Variants in KIFAP3 observed in about 807,000 individuals in gnomAD.
KIFAP3 encodes kinesin-associated protein 3.
In KIFAP3, 68 loss-of-function variants were observed where a neutral mutation model predicts 106.5. The observed-to-expected ratio is 0.64, with a 90% CI of 0.53 to 0.78. The LOEUF (loss-of-function observed/expected upper bound fraction) is 0.78. Ranked by LOEUF, KIFAP3 falls within the 30% of genes least tolerant of loss-of-function variation. KIFAP3 has a pLI of 0.00. For synonymous variants in KIFAP3, 320 were observed against 311.5 expected, an observed-to-expected ratio of 1.03 and a Z score of -0.29; for missense variants, 780 against 941.8, an observed-to-expected ratio of 0.83 and a Z score of 2.25.
At chr1:169,941,233 C>T (rs761660674) in intron 19 of KIFAP3, among the ~76,000 whole-genome samples, 1 of 152,020 alleles carries the variant, frequency 6.6e-6, no homozygotes, top group African/African-American at 2.4e-5. Flanking sequence ...AACATTATAC[C>T]TAATACCTTC....
At chr1:170,074,823 C>T (rs1671864951), upstream of KIFAP3, 2 of 1,087,958 alleles carry the variant, frequency 1.8e-6, no homozygotes, top group African/African-American at 3.2e-5. Context: ...CAGTTTTGAG[C>T]GTCCGTGTAT....
intron 8 of KIFAP3, among the ~76,000 whole-genome samples, chr1:170,026,346 C>T (rs1450461511): frequency 1.3e-5 from 2 of 152,098 alleles, no homozygotes; most frequent in African/African-American, 4.8e-5. Context: ...CCTGACAACA[C>T]CACAAAAAAA....
chr1:169,923,688 A>G (rs925417024), intron 19 of KIFAP3, among the ~76,000 whole-genome samples: 2 of 152,242 alleles, frequency 1.3e-5, no homozygotes, highest in Non-Finnish European at 2.9e-5. Context: ...TATGTGGGAC[A>G]GTGAGGAAAC....
chr1:170,051,061 G>A (rs1000756899), intron 2 of KIFAP3, among the ~76,000 whole-genome samples: 1 of 151,604 alleles, frequency 6.6e-6, no homozygotes, highest in South Asian at 2.1e-4. Flanking sequence ...TGGATAAAGA[G>A]TCAAGACCCA....
chr1:170,059,323 G>A (rs563605752), intron 1 of KIFAP3, among the ~76,000 whole-genome samples: 12 of 152,004 alleles, frequency 7.9e-5, no homozygotes, highest in Admixed American at 7.9e-4. Context: ...AATGATAAAG[G>A]GGATATCACC....
chr1:169,938,782 T>G, intron 19 of KIFAP3, among the ~76,000 whole-genome samples: 1 of 152,138 alleles, frequency 6.6e-6, no homozygotes, highest in Non-Finnish European at 1.5e-5. Context: ...AAAGATTCTC[T>G]GAAGAAGGAA....
At chr1:169,965,586 A>C (rs1005513780) in intron 17 of KIFAP3, among the ~76,000 whole-genome samples, 1 of 152,010 alleles carries the variant, frequency 6.6e-6, no homozygotes, top group Non-Finnish European at 1.5e-5. Context: ...ACAAACAAAA[A>C]TCCTGCTTAC....
At chr1:169,925,965 G>T (rs1274179255) in intron 19 of KIFAP3, among the ~76,000 whole-genome samples, 1 of 152,128 alleles carries the variant, frequency 6.6e-6, no homozygotes, top group Non-Finnish European at 1.5e-5. Context: ...AGCAAGTAAT[G>T]AATTTATTAA....
At chr1:169,940,544 T>A (rs570693520) in intron 19 of KIFAP3, among the ~76,000 whole-genome samples, 1 of 152,258 alleles carries the variant, frequency 6.6e-6, no homozygotes, top group South Asian at 2.1e-4. Flanking sequence ...TAGATCCTCA[T>A]AAGGAGCACA....
At chr1:170,037,114 A>G (rs757068097) in intron 5 of KIFAP3, among the ~76,000 whole-genome samples, 4 of 152,224 alleles carry the variant, frequency 2.6e-5, no homozygotes, top group South Asian at 2.1e-4. Flanking sequence ...ATTGGTATGT[A>G]TATCATCAAA....
chr1:169,935,050 ACT>A (rs1398693777), intron 19 of KIFAP3, among the ~76,000 whole-genome samples: 1 of 152,152 alleles, frequency 6.6e-6, no homozygotes, highest in East Asian at 1.9e-4. Flanking sequence ...TTTTAAAAAT[ACT>A]TTTTTGAGAT....
chr1:169,959,550 T>C (rs1665204770), intron 18 of KIFAP3, among the ~76,000 whole-genome samples: 1 of 152,146 alleles, frequency 6.6e-6, no homozygotes, highest in Non-Finnish European at 1.5e-5. Context: ...GAAAAATATT[T>C]AGGATTTTCA....
intron 1 of KIFAP3, among the ~76,000 whole-genome samples, chr1:170,073,776 ATTTT>A (rs935844336): frequency 6.6e-6 from 1 of 152,014 alleles, no homozygotes; most frequent in Non-Finnish European, 1.5e-5. Context: ...ACAGACTACA[ATTTT>A]TTTGAGTAAC....
intron 1 of KIFAP3, among the ~76,000 whole-genome samples, chr1:170,084,006 C>G (rs531511199): frequency 2.4e-4 from 37 of 152,182 alleles, no homozygotes; most frequent in African/African-American, 8.9e-4. Context: ...AAAGTGATTG[C>G]TGCCTCACAA....
chr1:169,953,334 TA>T (rs1571551152), intron 19 of KIFAP3, among the ~76,000 whole-genome samples: 2 of 152,204 alleles, frequency 1.3e-5, no homozygotes, highest in East Asian at 3.8e-4. Context: ...ACCAACTTTT[TA>T]AAAACAGCTA....
chr1:170,034,394 TTC>T lies in KIFAP3; in HGVS notation c.718_719del (p.Glu240ThrfsTer9). On this transcript the variant is annotated frameshift_variant, in exon 7 of 20. Coordinates refer to ENST00000361580, the MANE Select transcript of KIFAP3 (RefSeq NM_014970.4). LOFTEE classifies it high-confidence loss of function. ...ELKRHELWQEELSKKKKAVDE... is the reference protein window; with the variant it reads ...ELKRHELWQEXLSKKKKAVDE... ...TATCAGCTTTCTTCTTCTTTGAGAGTTCTTCTTGCCAAAGCTCATGTCTTTTT... is the reference window on the plus strand; with the variant it reads ...TATCAGCTTTCTTCTTCTTTGAGAGTTTCTTGCCAAAGCTCATGTCTTTTT... 1 of 1,606,376 alleles carries T rather than the reference TTC, an allele frequency of 6.2e-7. No individual in the cohort carries two copies. Among genetic ancestry groups the T allele is most frequent in the Middle Eastern group, 1.7e-4 (1 of 6,036 alleles).
At chr1:170,048,919 A>G (rs2102096484) in intron 2 of KIFAP3, among the ~76,000 whole-genome samples, 1 of 152,242 alleles carries the variant, frequency 6.6e-6, no homozygotes, top group Non-Finnish European at 1.5e-5. Context: ...GCAGGCACCG[A>G]GCTAGCTGCA....
chr1:169,974,274 T>A (rs1382005159), intron 16 of KIFAP3, among the ~76,000 whole-genome samples: 2 of 151,944 alleles, frequency 1.3e-5, no homozygotes, highest in Non-Finnish European at 2.9e-5. Context: ...TATTAATTGG[T>A]CTTAGTTAAA....
At chr1:169,935,878 C>T (rs1663771106) in intron 19 of KIFAP3, among the ~76,000 whole-genome samples, 1 of 151,954 alleles carries the variant, frequency 6.6e-6, no homozygotes, top group Non-Finnish European at 1.5e-5. Context: ...ATACTTGTCT[C>T]TTTGGAGCAG....
Sources: gnomAD v4.1 joint callset for allele counts (sites outside exome capture counted in the v4.1 genomes callset) on GRCh38, gnomAD v4.1.1 for gene constraint, MANE v1.5 for transcripts, NCBI Gene and HGNC (gene_info 2026-07-23, HGNC 2026-07-21) for gene names.